TEAD4: variants seen among roughly 807,000 people sequenced by gnomAD.
TEAD4 encodes the protein TEA domain transcription factor 4, also known as transcriptional enhancer factor TEF-3.
In TEAD4, 36 loss-of-function variants were observed where a neutral mutation model predicts 52.4. The observed-to-expected ratio is 0.69, with a 90% CI of 0.53 to 0.91. TEAD4 has a LOEUF of 0.91. Among genes scored for constraint, TEAD4 ranks in the 40% least tolerant of loss-of-function variants. The pLI is 0.00. For synonymous variants in TEAD4, 220 were observed against 231.0 expected (o/e 0.95, Z 0.43); for missense variants, 508 against 583.9 (o/e 0.87, Z 1.34).
rs148761357 is a variant in TEAD4, at chr12:2,971,169, G to A, written c.-30+11129G>A. ...TGCAGGGAAATGGACTGTGAAGCTA[G>A]CAGTAACATACTGCAAGACGAAAGA... On this transcript the variant is annotated intron_variant, in intron 2 of 12. Transcript: ENST00000359864. Among the ~76,000 whole-genome samples the A allele has an allele frequency of 7.4e-4, 113 of 152,340 alleles. 1 individual carries two copies. The highest frequency in any genetic ancestry group is 1.6e-4 in the Non-Finnish European group (11 of 68,040).
In TEAD4 at chr12:3,034,551, A is replaced by T. The variant is rs1026328394; in HGVS notation, c.898-3417A>T. Among the ~76,000 whole-genome samples, 5 of 152,242 alleles carry T rather than the reference A, an allele frequency of 3.3e-5. No individual in the cohort carries two copies. In the South Asian group the frequency reaches 8.3e-4, roughly 25 times the overall value. Reference sequence around the variant, plus strand: ...GCAGCCGCTGCCTCTGTGTGTCTGGAAGAGCTGGGAGGTGTGGATGCCAGT... The same window carrying T: ...GCAGCCGCTGCCTCTGTGTGTCTGGTAGAGCTGGGAGGTGTGGATGCCAGT... On this transcript the variant is annotated intron_variant, in intron 10 of 12. Coordinates refer to ENST00000359864, the MANE Select transcript of TEAD4 (RefSeq NM_003213.4).
chr12:2,987,399 A>G (rs551061107), intron 2 of TEAD4, among the ~76,000 whole-genome samples: 12 of 146,024 alleles, frequency 8.2e-5, no homozygotes, highest in African/African-American at 3.0e-4. Context: ...TGTTTTCAGA[A>G]TCAGCTTGTT....
At chr12:2,974,429 C>T (rs1262814793) in intron 2 of TEAD4, among the ~76,000 whole-genome samples, 1 of 152,198 alleles carries the variant, frequency 6.6e-6, no homozygotes, top group Non-Finnish European at 1.5e-5. Flanking sequence ...ATGCCGCCTC[C>T]CACCTCTTGT....
intron 2 of TEAD4, among the ~76,000 whole-genome samples, chr12:2,985,123 G>A (rs747092420): frequency 1.3e-5 from 2 of 151,870 alleles, no homozygotes; most frequent in Non-Finnish European, 2.9e-5. Flanking sequence ...AACACCTCAC[G>A]CCTGTAATCC....
chr12:3,006,297 T>A (rs1049018458), intron 3 of TEAD4, among the ~76,000 whole-genome samples: 7 of 152,086 alleles, frequency 4.6e-5, no homozygotes, highest in African/African-American at 1.7e-4. Context: ...GGCAAGTATA[T>A]AGTGCAGATA....
rs191481840 is a variant in TEAD4 at position 2,998,438 on chromosome 12, A to G, written c.226+3446A>G. Among the ~76,000 whole-genome samples, 201 of 151,000 alleles carry G rather than the reference A, an allele frequency of 1.3e-3. 2 individuals carry two copies. Among genetic ancestry groups the G allele is most frequent in the African/African-American group, 4.6e-3 (190 of 41,052 alleles). ...GGAAGCCACTGACTCAGGGAAGCAG[A>G]CTGAAAATGGTTTGGCAAACTGTCC... On this transcript the variant is annotated intron_variant, in intron 3 of 12. Coordinates refer to ENST00000359864, the MANE Select transcript of TEAD4 (RefSeq NM_003213.4).
chr12:3,019,432 G>A lies in TEAD4; in HGVS notation c.583+262G>A, dbSNP rs114746681. Among the ~76,000 whole-genome samples the A allele has an allele frequency of 4.8e-3, 736 of 152,306 alleles. 6 individuals are homozygous for A. Among genetic ancestry groups the A allele is most frequent in the African/African-American group, 0.017 (700 of 41,560 alleles). ...GCTGTGCTCAGGGCTTGTGGGGCAC[G>A]TGCAGTTCCAAGGGCAGTGCCCGTG... On this transcript the variant is annotated intron_variant, in intron 8 of 12. Coordinates refer to ENST00000359864, the MANE Select transcript of TEAD4 (RefSeq NM_003213.4).
At chr12:2,997,141 T>C (rs988729887) in intron 3 of TEAD4, among the ~76,000 whole-genome samples, 2 of 152,236 alleles carry the variant, frequency 1.3e-5, no homozygotes, top group East Asian at 3.9e-4. Flanking sequence ...ATGCCTTCCA[T>C]TGTGAATGTT....
intron 2 of TEAD4, among the ~76,000 whole-genome samples, chr12:2,987,061 G>T (rs780125123): frequency 6.6e-6 from 1 of 152,230 alleles, no homozygotes; most frequent in African/African-American, 2.4e-5. Context: ...ACAGGATATG[G>T]GGACAAGCTG....
Position 2,975,932 on chromosome 12 carries a change from CTA to C in TEAD4, c.-30+15894_-30+15895del, listed in dbSNP as rs569084968. On this transcript the variant is annotated intron_variant, in intron 2 of 12. Transcript: ENST00000359864. The stretch of plus-strand genomic sequence containing the variant: ...AATGTCATATGGTTGGAATCATACA[CTA>C]TGTGGCCTTTTCAGATTGGCGTCTC... Among the ~76,000 whole-genome samples the C allele has an allele frequency of 1.5e-4, 23 of 152,190 alleles. No homozygotes were observed. The South Asian group carries it at 4.8e-3, about 32-fold the overall frequency.
At chr12:3,007,700 G>A (rs1437888956) in intron 3 of TEAD4, among the ~76,000 whole-genome samples, 1 of 152,182 alleles carries the variant, frequency 6.6e-6, no homozygotes, top group Non-Finnish European at 1.5e-5. Context: ...TAATGAATGT[G>A]TCCATTGCCC....
At chr12:2,989,038 G>A (rs1051656505) in intron 2 of TEAD4, among the ~76,000 whole-genome samples, 9 of 152,122 alleles carry the variant, frequency 5.9e-5, no homozygotes, top group African/African-American at 2.2e-4. Flanking sequence ...ATCCTAAGGA[G>A]AGGGTTCTAG....
intron 10 of TEAD4, 113 bp downstream of exon 10, chr12:3,022,130 A>G: frequency 7.2e-7 from 1 of 1,385,310 alleles, no homozygotes; most frequent in Non-Finnish European, 9.9e-7. Context: ...GGGAGGTGGC[A>G]CCAGTGAGAA....
intron 6 of TEAD4, 113 bp from the exon 7 acceptor site, chr12:3,018,432 G>A: frequency 7.8e-7 from 1 of 1,279,384 alleles, no homozygotes; most frequent in Non-Finnish European, 1.1e-6. Flanking sequence ...GAGGCCTCGG[G>A]CTCCAGCCTC....
At chr12:3,033,472 C>T (rs776215325) in intron 10 of TEAD4, among the ~76,000 whole-genome samples, 14 of 152,214 alleles carry the variant, frequency 9.2e-5, no homozygotes, top group African/African-American at 3.1e-4. Flanking sequence ...CCATTAACGC[C>T]GCTCTGCACA....
intron 3 of TEAD4, among the ~76,000 whole-genome samples, chr12:3,010,597 C>T (rs1591583615): frequency 6.6e-6 from 1 of 152,214 alleles, no homozygotes; most frequent in African/African-American, 2.4e-5. Flanking sequence ...GGCAGTCACA[C>T]AGGGCAAGGC....
At chr12:3,030,839 TGCGTA>T (rs2098275030) in intron 10 of TEAD4, among the ~76,000 whole-genome samples, 1 of 152,152 alleles carries the variant, frequency 6.6e-6, no homozygotes, top group Non-Finnish European at 1.5e-5. Context: ...CATGGCCACG[TGCGTA>T]GCCAGGGAAA....
chr12:2,968,400 TTTTTTTTTTTTTG>T (rs2098222320), intron 2 of TEAD4, among the ~76,000 whole-genome samples: 1 of 123,252 alleles, frequency 8.1e-6, no homozygotes, highest in African/African-American at 3.1e-5. Flanking sequence ...TTTTTTTTTT[TTTTTTTTTTTTTG>T]TGAGACAGGG....
At chr12:2,977,708 A>G (rs929195249) in intron 2 of TEAD4, among the ~76,000 whole-genome samples, 1 of 152,188 alleles carries the variant, frequency 6.6e-6, no homozygotes, top group Non-Finnish European at 1.5e-5. Context: ...CTCAGGTCAT[A>G]GGACTCTGAG....
Sources: allele counts gnomAD v4.1 joint callset (sites outside exome capture counted in the v4.1 genomes callset), GRCh38; gene constraint gnomAD v4.1.1; transcripts MANE v1.5; gene names NCBI Gene and HGNC (gene_info 2026-07-23, HGNC 2026-07-21).